Variants in RNF150 observed in about 807,000 individuals in gnomAD.
The protein encoded by RNF150 is ring finger protein 150.
In RNF150, 24 loss-of-function variants were observed where a neutral mutation model predicts 39.3. That is an observed-to-expected ratio of 0.61 (90% confidence interval 0.44 to 0.86). RNF150 has a LOEUF of 0.86. RNF150 is among the 40% of genes least tolerant of loss of function. The pLI is 0.00. For missense variants in RNF150, 502 were observed against 587.8 expected (o/e 0.85, Z 1.51); for synonymous variants, 255 against 227.3 (o/e 1.12, Z -1.10).
intron 1 of RNF150, among the ~76,000 whole-genome samples, chr4:141,203,773 A>G (rs1467471271): frequency 6.6e-6 from 1 of 151,876 alleles, no homozygotes; most frequent in East Asian, 1.9e-4. Context: ...GGGTTTGGGC[A>G]CAAAAACAAC....
At chr4:141,199,824 T>C (rs1156914831) in intron 1 of RNF150, among the ~76,000 whole-genome samples, 1 of 152,240 alleles carries the variant, frequency 6.6e-6, no homozygotes, top group African/African-American at 2.4e-5. Context: ...ATATAAATTT[T>C]AAAAATGAAA....
intron 1 of RNF150, among the ~76,000 whole-genome samples, chr4:141,140,549 C>T (rs1727101972): frequency 6.6e-6 from 1 of 151,972 alleles, no homozygotes; most frequent in Non-Finnish European, 1.5e-5. Flanking sequence ...TGTTCTAAAT[C>T]ATTACTTTTC....
At chr4:140,917,081 CA>C (rs964029761) in intron 5 of RNF150, among the ~76,000 whole-genome samples, 7 of 152,156 alleles carry the variant, frequency 4.6e-5, no homozygotes, top group African/African-American at 1.4e-4. Flanking sequence ...CTAGCCACTG[CA>C]AAAACATGCC....
At chr4:140,979,467 G>T (rs1733780930) in intron 1 of RNF150, among the ~76,000 whole-genome samples, 1 of 151,914 alleles carries the variant, frequency 6.6e-6, no homozygotes, top group Non-Finnish European at 1.5e-5. Flanking sequence ...AAACAAAAGG[G>T]CTGAGTAAGG....
chr4:141,004,977 C>T (rs1407777860), intron 1 of RNF150, among the ~76,000 whole-genome samples: 1 of 152,054 alleles, frequency 6.6e-6, no homozygotes, highest in Non-Finnish European at 1.5e-5. Context: ...AGACTCCATG[C>T]CAAGAAACAG....
At chr4:141,169,236 C>T (rs1221407122) in intron 1 of RNF150, among the ~76,000 whole-genome samples, 1 of 152,050 alleles carries the variant, frequency 6.6e-6, no homozygotes, top group African/African-American at 2.4e-5. Context: ...GCACCGCCCC[C>T]TTTTTTCTTC....
At chr4:141,114,620 A>T (rs1043541375) in intron 1 of RNF150, among the ~76,000 whole-genome samples, 1 of 152,212 alleles carries the variant, frequency 6.6e-6, no homozygotes, top group Non-Finnish European at 1.5e-5. Context: ...CGTAAGAAAT[A>T]GAAAAAGAAG....
chr4:141,000,107 G>GGAGAAGA (rs1734610730), intron 1 of RNF150, among the ~76,000 whole-genome samples: 1 of 141,824 alleles, frequency 7.1e-6, no homozygotes, highest in Non-Finnish European at 1.6e-5. Context: ...AGAAGAAGAA[G>GGAGAAGA]AGGAGGAAGA....
chr4:141,061,680 G>A (rs1463344776), intron 1 of RNF150, among the ~76,000 whole-genome samples: 1 of 152,070 alleles, frequency 6.6e-6, no homozygotes, highest in East Asian at 1.9e-4. Flanking sequence ...TGCTTCCAAG[G>A]AAGCCTTGCA....
chr4:141,112,304 G>A (rs1372194086), intron 1 of RNF150, among the ~76,000 whole-genome samples: 1 of 142,194 alleles, frequency 7.0e-6, no homozygotes, highest in Non-Finnish European at 1.5e-5. Flanking sequence ...ATTAATTGAT[G>A]CAGTTTCTTC....
chr4:141,029,548 C>G (rs976013937), intron 1 of RNF150, among the ~76,000 whole-genome samples: 2 of 152,144 alleles, frequency 1.3e-5, no homozygotes, highest in African/African-American at 2.4e-5. Context: ...AAGCATTGCC[C>G]TTACTATTGT....
chr4:141,029,897 G>T (rs1313265855), intron 1 of RNF150, among the ~76,000 whole-genome samples: 1 of 152,132 alleles, frequency 6.6e-6, no homozygotes, highest in East Asian at 1.9e-4. Flanking sequence ...ATACCAACAT[G>T]CATATAAAGA....
chr4:141,082,176 T>C (rs878889640), intron 1 of RNF150, among the ~76,000 whole-genome samples: 1 of 152,214 alleles, frequency 6.6e-6, no homozygotes, highest in Non-Finnish European at 1.5e-5. Context: ...GGGACTAAAA[T>C]AATCCAAAGT....
At chr4:140,905,652 A>C (rs79550770) in intron 6 of RNF150, among the ~76,000 whole-genome samples, 4,761 of 144,862 alleles carry the variant, frequency 0.033, 90 homozygotes, top group Middle Eastern at 0.068. Flanking sequence ...GGCACCTCCC[A>C]ATCCCAGGCC....
intron 1 of RNF150, among the ~76,000 whole-genome samples, chr4:141,171,212 A>G (rs192629030): frequency 6.6e-6 from 1 of 152,160 alleles, no homozygotes; most frequent in Non-Finnish European, 1.5e-5. Context: ...GCCAGCCCAC[A>G]CTGCATGGTC....
chr4:140,897,614 C>A (rs930619415), intron 6 of RNF150, among the ~76,000 whole-genome samples: 1 of 152,140 alleles, frequency 6.6e-6, no homozygotes, highest in Admixed American at 6.6e-5. Context: ...TCCTAGACTG[C>A]TCTCTAATTC....
intron 1 of RNF150, among the ~76,000 whole-genome samples, chr4:141,176,652 CA>C (rs1177562840): frequency 6.6e-6 from 1 of 152,154 alleles, no homozygotes; most frequent in Non-Finnish European, 1.5e-5. Context: ...TCATAACAGG[CA>C]AAATAACTCA....
intron 1 of RNF150, among the ~76,000 whole-genome samples, chr4:141,007,056 G>A (rs1056757271): frequency 1.3e-5 from 2 of 152,120 alleles, no homozygotes; most frequent in African/African-American, 4.8e-5. Context: ...TCTTTGCATT[G>A]TATTACTTTT....
rs770870862 is a variant in RNF150, at chr4:141,132,802, T to C, written c.7A>G (p.Met3Val). 1.1e-5 allele frequency: 17 copies of C among 1,605,790 alleles called. No individual in the cohort carries two copies. Among genetic ancestry groups the C allele is most frequent in the Admixed American group, 1.7e-5 (1 of 59,708 alleles). ...CTGCAGCACGCTTGGATGAGAGACA[T>C]TGCCATCTTTATCCGCCGGGGCCCC... MA[M>V]SLIQACCSLA... Residue 3 changes from methionine (M) to valine (V), a missense_variant, in exon 1 of 7, where the codon ATG (methionine) becomes GTG (valine). Transcript: ENST00000515673. The surrounding 1 kb of genome is among the most constrained non-coding windows in gnomAD (Gnocchi z 4.9).
Sources: allele counts gnomAD v4.1 joint callset (sites outside exome capture counted in the v4.1 genomes callset), GRCh38; gene constraint gnomAD v4.1.1; non-coding constraint Gnocchi (gnomAD v3.1); transcripts MANE v1.5; gene names NCBI Gene and HGNC (gene_info 2026-07-23, HGNC 2026-07-21).